EML2: variants seen among roughly 807,000 people sequenced by gnomAD.
The protein encoded by EML2 is echinoderm microtubule-associated protein-like 2.
Under a neutral mutation model 84.7 loss-of-function variants are expected in EML2, and 59 were observed. The ratio of observed to expected loss-of-function variants is 0.70; its 90% CI spans 0.56 to 0.86. The LOEUF (loss-of-function observed/expected upper bound fraction) is 0.86. Among genes scored for constraint, EML2 ranks in the 40% least tolerant of loss-of-function variants. The pLI, the probability that EML2 is intolerant of heterozygous loss-of-function variation, is 0.00. For missense variants in EML2, 818 were observed against 855.6 expected (o/e 0.96, Z 0.55); for synonymous variants, 352 against 348.9 (o/e 1.01, Z -0.10).
At chr19:45,642,084 G>C (rs1413771168), upstream of EML2, 1 of 1,455,636 alleles carries the variant, frequency 6.9e-7, no homozygotes, top group Admixed American at 2.6e-5. Flanking sequence ...TGAGTATAAG[G>C]ACCAGGCCCC....
intron 18 of EML2, among the ~76,000 whole-genome samples, chr19:45,613,075 A>G (rs1360324980): frequency 6.6e-6 from 1 of 151,866 alleles, no homozygotes; most frequent in Non-Finnish European, 1.5e-5. Context: ...TTTTGTGTGT[A>G]TTTTGTAGAG....
At chr19:45,629,294 T>A (rs182614334) in intron 7 of EML2, among the ~76,000 whole-genome samples, 57 of 147,414 alleles carry the variant, frequency 3.9e-4, no homozygotes, top group Non-Finnish European at 8.4e-4. Flanking sequence ...ACCCAGTTAA[T>A]TTTTTTTTTT....
chr19:45,641,665 C>G (rs926779174), upstream of EML2: 1 of 1,536,044 alleles, frequency 6.5e-7, no homozygotes. Flanking sequence ...GCTACAGTTG[C>G]TGCTGGAGGA....
At chr19:45,620,926 A>G (rs965615523) in intron 11 of EML2, 1 of 526,884 alleles carries the variant, frequency 1.9e-6, no homozygotes, top group Admixed American at 2.3e-5. Flanking sequence ...CAGCTGTGGG[A>G]CAACCTGTAG....
Position 45,609,666 on chromosome 19 carries a change from G to C in EML2, c.1947C>G (p.Val649=), listed in dbSNP as rs1970278641. The change falls in exon 19 of 19, where the codon GTC becomes GTG. Residue 649 remains valine, a synonymous_variant. Coordinates refer to ENST00000245925, the MANE Select transcript of EML2 (RefSeq NM_012155.4). ...ACCTGACTCTTCCCTGGCCGCATCA[G>C]ACCACCCGCCACTGTAGCACACTGG... ...KDTSVLQWRV[V] is the part of the protein sequence containing the mutation. 3.1e-6 allele frequency: 5 copies of C among 1,600,134 alleles called. No homozygotes were observed. The highest frequency in any genetic ancestry group is 1.3e-5 in the African/African-American group (1 of 74,076).
At chr19:45,616,358 T>A in intron 15 of EML2, 103 bp downstream of exon 15, 1 of 826,596 alleles carries the variant, frequency 1.2e-6, no homozygotes, top group Non-Finnish European at 1.9e-6. Context: ...CAGGGCAGAA[T>A]CAGTTGAGTG....
intron 16 of EML2, chr19:45,614,929 C>G: frequency 2.2e-6 from 1 of 446,180 alleles, no homozygotes; most frequent in Non-Finnish European, 4.2e-6. Context: ...GGCATGGTGG[C>G]TCACGTCTGT....
In EML2 at chr19:45,634,311, C is replaced by T. The variant is rs999545363; in HGVS notation, c.329+11G>A. ...ACAGCTCCCTCCCGTCCCCTCTGTC[C>T]CACATCTCACCATTTGATGTCATCG... On this transcript the variant is annotated intron_variant, in intron 4 of 18. Transcript: ENST00000245925. The T allele has an allele frequency of 1.9e-6, 3 of 1,612,636 alleles. No individual in the cohort carries two copies. Among genetic ancestry groups the T allele is most frequent in the Admixed American group, 3.3e-5 (2 of 59,934 alleles).
rs752157089 is a variant in EML2 at position 45,619,049 on chromosome 19, G to T, written c.1254+11C>A. 4 of 1,600,562 alleles carry T rather than the reference G, an allele frequency of 2.5e-6. No individual in the cohort carries two copies. Among genetic ancestry groups the T allele is most frequent in the Non-Finnish European group, 1.7e-6 (2 of 1,170,726 alleles). ...TTAGAATGGTGCTTTTCCAGTCCCC[G>T]GGCCCCTTACCTCGATGATCCTGCT... is the stretch of plus-strand genomic sequence containing the variant. On this transcript the variant is annotated intron_variant, in intron 12 of 18. Transcript: ENST00000245925.
intron 15 of EML2, chr19:45,616,246 A>T (rs1215101487): frequency 1.2e-5 from 7 of 565,962 alleles, no homozygotes; most frequent in Non-Finnish European, 2.2e-5. Context: ...GCGGGGCTAC[A>T]CAGATGGGCT....
At chr19:45,639,821 C>G (rs1031546791), upstream of EML2, among the ~76,000 whole-genome samples, 3 of 152,010 alleles carry the variant, frequency 2.0e-5, no homozygotes, top group Non-Finnish European at 4.4e-5. Flanking sequence ...TGGTGAAACC[C>G]CGTCTCTACT....
chr19:45,610,669 C>T (rs534022688), intron 18 of EML2, among the ~76,000 whole-genome samples: 1 of 152,014 alleles, frequency 6.6e-6, no homozygotes, highest in East Asian at 1.9e-4. Flanking sequence ...AAAACCCTGT[C>T]TCTACTAAAA....
Position 45,630,042 on chromosome 19 carries a change from C to T in EML2, c.515G>A (p.Gly172Glu), listed in dbSNP as rs1972837167. The stretch of plus-strand genomic sequence containing the variant: ...ATCCACTGCACACAGCAGGTTGCCT[C>T]CATTCTAAAGAGGAGGAGAGAGGAG... ...VCCVGFSKSN[G>E]GNLLCAVDES... Residue 172 changes from glycine to glutamate, a missense_variant, in exon 7 of 19, where the codon GGA (glycine) becomes GAA (glutamate). Transcript: ENST00000245925. 1 of 1,611,742 alleles carries T rather than the reference C, an allele frequency of 6.2e-7. No homozygotes were observed. The highest frequency in any genetic ancestry group is 1.3e-5 in the African/African-American group (1 of 74,660).
chr19:45,642,071 G>A (rs1174061887), upstream of EML2: 15 of 1,446,086 alleles, frequency 1.0e-5, no homozygotes, highest in Non-Finnish European at 3.6e-6. Context: ...GGACAGAAGA[G>A]GGTGAGTATA....
chr19:45,640,210 G>A (rs911443399), upstream of EML2: 1 of 152,192 alleles, frequency 6.6e-6, no homozygotes, highest in African/African-American at 2.4e-5. Context: ...TCCAGCCTTA[G>A]GGTGATTTTT....
chr19:45,610,169 A>ATGG, intron 18 of EML2, among the ~76,000 whole-genome samples: 1 of 141,372 alleles, frequency 7.1e-6, no homozygotes, highest in East Asian at 2.2e-4. Context: ...AGGCCGAGGC[A>ATGG]GGCGGATCAC....
intron 1 of EML2, 76 bp from the exon 2 acceptor site, chr19:45,638,949 C>T (rs775741346): frequency 1.9e-6 from 3 of 1,549,576 alleles, no homozygotes; most frequent in Non-Finnish European, 2.7e-6. Context: ...TTCCTCCACC[C>T]CCACCGCTCC....
chr19:45,615,709 C>T (rs1209625129), intron 16 of EML2, 93 bp downstream of exon 16: 1 of 1,104,154 alleles, frequency 9.1e-7, no homozygotes, highest in Non-Finnish European at 1.4e-6. Context: ...ACCAAGGGAG[C>T]GAGGCTTGAA....
chr19:45,645,176 G>C, upstream of EML2: 1 of 1,337,412 alleles, frequency 7.5e-7, no homozygotes. Flanking sequence ...TCTTCAGCAA[G>C]GGAGGGGGTT....
Sources: allele counts gnomAD v4.1 joint callset (sites outside exome capture counted in the v4.1 genomes callset), GRCh38; gene constraint gnomAD v4.1.1; transcripts MANE v1.5; gene names NCBI Gene and HGNC (gene_info 2026-07-23, HGNC 2026-07-21).